RBFOX1: variants seen among roughly 807,000 people sequenced by gnomAD.
RBFOX1 encodes RNA binding fox-1 homolog 1, also known as RNA binding protein fox-1 homolog 1.
RBFOX1 carries 8 observed loss-of-function variants against 57.7 expected under a neutral mutation model. The ratio of observed to expected loss-of-function variants is 0.14; its 90% CI spans 0.08 to 0.25. The LOEUF (loss-of-function observed/expected upper bound fraction) is 0.25. RBFOX1 is among the 10% of genes least tolerant of loss of function. The pLI is 1.00. For missense variants in RBFOX1, 611 were observed against 548.5 expected (o/e 1.11, Z -1.14); for synonymous variants, 326 against 222.4 (o/e 1.47, Z -4.15).
Position 6,722,223 on chromosome 16 carries a change from A to G in RBFOX1, c.-16+67573A>G, listed in dbSNP as rs138152555. On this transcript the variant is annotated intron_variant, in intron 3 of 15. Transcript: ENST00000550418. ...AGTTTTAAGTTTTGAAGGAACCACTATCCTGTTTTCCAAGAGGCTAAACCG... is the reference window on the plus strand; with the variant it reads ...AGTTTTAAGTTTTGAAGGAACCACTGTCCTGTTTTCCAAGAGGCTAAACCG... 8.3e-3 allele frequency among the ~76,000 whole-genome samples: 1,271 copies of G among 152,322 alleles called. 5 individuals are homozygous for G. Among genetic ancestry groups the G allele is most frequent in the Non-Finnish European group, 0.014 (941 of 68,038 alleles).
At chr16:5,346,191 C>T (rs11865971) in intron 1 of RBFOX1, among the ~76,000 whole-genome samples, 3,324 of 152,144 alleles carry the variant, frequency 0.022, 112 homozygotes, top group African/African-American at 0.076. Context: ...TACAGCGGAC[C>T]CTTACTATGT....
chr16:7,539,469 C>A (rs1226976930), intron 5 of RBFOX1, among the ~76,000 whole-genome samples: 2 of 152,154 alleles, frequency 1.3e-5, no homozygotes, highest in South Asian at 2.1e-4. Context: ...ATATAAAGAG[C>A]GTATTTTTGC....
At chr16:6,575,813 C>T (rs998451421) in intron 2 of RBFOX1, among the ~76,000 whole-genome samples, 3 of 151,110 alleles carry the variant, frequency 2.0e-5, no homozygotes, top group African/African-American at 7.3e-5. Context: ...GCCAAGATCA[C>T]AGCACTGCAC....
At chr16:6,106,015 A>C (rs2096374072) in intron 1 of RBFOX1, among the ~76,000 whole-genome samples, 1 of 151,818 alleles carries the variant, frequency 6.6e-6, no homozygotes, top group Admixed American at 6.6e-5. Context: ...TTTCCATCCT[A>C]GTTAAAAGCT....
intron 1 of RBFOX1, among the ~76,000 whole-genome samples, chr16:6,293,936 T>G (rs553251079): frequency 2.2e-5 from 3 of 138,522 alleles, no homozygotes; most frequent in East Asian, 3.9e-4. Flanking sequence ...GAATTTTTAC[T>G]GTAAGAGTAA....
chr16:5,871,680 T>A (rs1412281143), intron 4 of RBFOX1, among the ~76,000 whole-genome samples: 1 of 152,144 alleles, frequency 6.6e-6, no homozygotes, highest in Non-Finnish European at 1.5e-5. Flanking sequence ...CCCCACGTTG[T>A]CTATGCTGAC....
chr16:7,698,332 C>G (rs78922236), intron 14 of RBFOX1, among the ~76,000 whole-genome samples: 6 of 151,862 alleles, frequency 4.0e-5, no homozygotes, highest in Admixed American at 6.6e-5. Flanking sequence ...CATCTCAGTT[C>G]CTGATGAGTA....
intron 4 of RBFOX1, among the ~76,000 whole-genome samples, chr16:7,395,862 A>G (rs1597373688): frequency 6.6e-6 from 1 of 152,314 alleles, no homozygotes; most frequent in African/African-American, 2.4e-5. Context: ...CCTTCAGATT[A>G]ATTGACTGGC....
chr16:7,708,118 T>C (rs1347725667), intron 14 of RBFOX1, among the ~76,000 whole-genome samples: 1 of 152,126 alleles, frequency 6.6e-6, no homozygotes, highest in Admixed American at 6.5e-5. Flanking sequence ...GCTGGTAGAC[T>C]ACTTGAACCC....
intron 1 of RBFOX1, among the ~76,000 whole-genome samples, chr16:5,341,413 G>C (rs74438056): frequency 1.3e-5 from 2 of 152,286 alleles, no homozygotes; most frequent in East Asian, 3.9e-4. Context: ...GATCATGGGG[G>C]GTAGAATGTC....
chr16:5,895,000 G>A (rs2058128636), intron 4 of RBFOX1, among the ~76,000 whole-genome samples: 1 of 151,678 alleles, frequency 6.6e-6, no homozygotes, highest in African/African-American at 2.4e-5. Context: ...TCCAGCCTGG[G>A]CAACAGAGTG....
chr16:6,655,373 CA>C (rs71406388), intron 3 of RBFOX1, among the ~76,000 whole-genome samples: 106 of 33,716 alleles, frequency 3.1e-3, no homozygotes, highest in East Asian at 6.9e-3. Flanking sequence ...GCCTCCGTTT[CA>C]AAAAAAAAAA....
chr16:7,575,177 C>G (rs972162772), intron 5 of RBFOX1, among the ~76,000 whole-genome samples: 1 of 152,088 alleles, frequency 6.6e-6, no homozygotes, highest in South Asian at 2.1e-4. Flanking sequence ...CTCTGTCACC[C>G]AGGCTGGAGT....
intron 3 of RBFOX1, among the ~76,000 whole-genome samples, chr16:6,944,592 G>A (rs1169615333): frequency 6.6e-6 from 1 of 152,166 alleles, no homozygotes; most frequent in East Asian, 1.9e-4. Context: ...ACTGGGTCTC[G>A]TAGATCTCAG....
At chr16:7,495,694 C>G (rs1322058765) in intron 4 of RBFOX1, among the ~76,000 whole-genome samples, 1 of 152,002 alleles carries the variant, frequency 6.6e-6, no homozygotes, top group African/African-American at 2.4e-5. Flanking sequence ...TAATATAATT[C>G]CATCTTTAAG....
At chr16:6,193,392 C>CACATTATATATATA (rs1555545384) in intron 1 of RBFOX1, among the ~76,000 whole-genome samples, 3 of 43,222 alleles carry the variant, frequency 6.9e-5, no homozygotes, top group African/African-American at 1.9e-4. Flanking sequence ...TATATATATA[C>CACATTATATATATA]TATATATATA....
intron 3 of RBFOX1, among the ~76,000 whole-genome samples, chr16:6,787,614 C>A (rs954393460): frequency 1.3e-5 from 2 of 152,102 alleles, no homozygotes; most frequent in African/African-American, 2.4e-5. Flanking sequence ...TCTCCATCCA[C>A]TGTGACCTTG....
chr16:5,457,168 G>A (rs1026806812), intron 1 of RBFOX1, among the ~76,000 whole-genome samples: 5 of 152,048 alleles, frequency 3.3e-5, no homozygotes, highest in Non-Finnish European at 7.4e-5. Flanking sequence ...ACAGAGTCTT[G>A]TTCTGCCACC....
intron 3 of RBFOX1, among the ~76,000 whole-genome samples, chr16:6,703,640 G>C (rs1189880440): frequency 6.6e-6 from 1 of 152,130 alleles, no homozygotes; most frequent in African/African-American, 2.4e-5. Flanking sequence ...CTGAGAAGTT[G>C]AGGCTGCAGT....
Sources: gnomAD v4.1 joint callset for allele counts (sites outside exome capture counted in the v4.1 genomes callset) on GRCh38, gnomAD v4.1.1 for gene constraint, MANE v1.5 for transcripts, NCBI Gene and HGNC (gene_info 2026-07-23, HGNC 2026-07-21) for gene names.